TMEM132C: variants seen among roughly 807,000 people sequenced by gnomAD.
The protein encoded by TMEM132C is protein phosphatase 1, regulatory subunit 152.
Under a neutral mutation model 61.4 loss-of-function variants are expected in TMEM132C, and 29 were observed. The ratio of observed to expected loss-of-function variants is 0.47; its 90% confidence interval spans 0.35 to 0.64. The LOEUF is 0.64. Ranked by LOEUF, TMEM132C falls within the 30% of genes least tolerant of loss-of-function variation. The probability of loss-of-function intolerance (pLI) is 0.00; values close to 1 mark genes in which losing one functional copy is unlikely to be tolerated. For missense variants in TMEM132C, 1,408 were observed against 1,476.9 expected (o/e 0.95, Z 0.76); for synonymous variants, 656 against 633.1 (o/e 1.04, Z -0.54).
In TMEM132C at chr12:128,269,032, G is replaced by A. The variant is rs577785510; in HGVS notation, c.85+1545G>A. 2.7e-4 allele frequency among the ~76,000 whole-genome samples: 41 copies of A among 151,942 alleles called. No homozygotes were observed. The South Asian group carries it at 8.3e-3, about 31-fold the overall frequency. ...GCACTTTTCTATTTTATTTGAAAGA[G>A]TCAACAGTCACGATCTGGTGCCTGA... On this transcript the variant is annotated intron_variant, in intron 1 of 8. Coordinates refer to ENST00000435159, the MANE Select transcript of TMEM132C (RefSeq NM_001136103.3).
At chr12:128,644,730 A>C (rs1954182914) in intron 4 of TMEM132C, among the ~76,000 whole-genome samples, 1 of 152,188 alleles carries the variant, frequency 6.6e-6, no homozygotes, top group Non-Finnish European at 1.5e-5. Flanking sequence ...TAAATTGTTA[A>C]GTTTTATGGC....
At chr12:128,331,942 C>A (rs1872674648) in intron 1 of TMEM132C, among the ~76,000 whole-genome samples, 1 of 152,316 alleles carries the variant, frequency 6.6e-6, no homozygotes, top group East Asian at 1.9e-4. Flanking sequence ...TGAAACTAGG[C>A]ATACAGAGTA....
chr12:128,479,779 T>G (rs1177363458), intron 2 of TMEM132C, among the ~76,000 whole-genome samples: 1 of 152,188 alleles, frequency 6.6e-6, no homozygotes, highest in Non-Finnish European at 1.5e-5. Context: ...CGTCTTAACT[T>G]CCCTGAGCTC....
At chr12:128,325,413 C>T (rs1593011630) in intron 1 of TMEM132C, among the ~76,000 whole-genome samples, 1 of 152,222 alleles carries the variant, frequency 6.6e-6, no homozygotes, top group East Asian at 1.9e-4. Context: ...TCGCCGTTTG[C>T]TGTGATCCTT....
At chr12:128,488,812 T>C (rs899282186) in intron 2 of TMEM132C, among the ~76,000 whole-genome samples, 2 of 152,132 alleles carry the variant, frequency 1.3e-5, no homozygotes, top group African/African-American at 4.8e-5. Flanking sequence ...AAAGGGCTCT[T>C]AATAATTACT....
chr12:128,415,654 G>T lies in TMEM132C; in HGVS notation c.974+34G>T. 6.7e-7 allele frequency: 1 copy of T among 1,483,522 alleles called. No homozygotes were observed. The allele number at this position is 1,483,522 out of a possible 1,614,324, so 91.9% of individuals were successfully genotyped here. ...CCATGCTTGCCCCTGATCATCTTTG[G>T]CATGCCTGGTGTGAGACTGGGTTCC... On this transcript the variant is annotated intron_variant, in intron 2 of 8. Transcript: ENST00000435159. The surrounding 1 kb of genome is among the most constrained non-coding windows in gnomAD (Gnocchi z 5.8).
chr12:128,704,191 A>C (rs966345656), intron 8 of TMEM132C, among the ~76,000 whole-genome samples: 1 of 152,226 alleles, frequency 6.6e-6, no homozygotes, highest in Non-Finnish European at 1.5e-5. Context: ...ATTTGCAGCA[A>C]CATGGATGAT....
At chr12:128,489,252 C>A (rs1355194238) in intron 2 of TMEM132C, among the ~76,000 whole-genome samples, 1 of 152,058 alleles carries the variant, frequency 6.6e-6, no homozygotes, top group Non-Finnish European at 1.5e-5. Context: ...AGGATGCCAA[C>A]TACTAAGCGG....
At chr12:128,340,980 T>C (rs2044467265) in intron 1 of TMEM132C, among the ~76,000 whole-genome samples, 2 of 151,116 alleles carry the variant, frequency 1.3e-5, no homozygotes, top group Admixed American at 1.3e-4. Context: ...TGACAGAGTC[T>C]CACTCTGTCA....
chr12:128,286,222 A>G (rs1871066720), intron 1 of TMEM132C, among the ~76,000 whole-genome samples: 1 of 149,638 alleles, frequency 6.7e-6, no homozygotes, highest in African/African-American at 2.4e-5. Flanking sequence ...CCTGGACTTC[A>G]GTTCTCAGGA....
intron 4 of TMEM132C, among the ~76,000 whole-genome samples, chr12:128,650,637 G>A (rs951672784): frequency 6.6e-6 from 1 of 152,062 alleles, no homozygotes; most frequent in Non-Finnish European, 1.5e-5. Context: ...GCTGAAATGG[G>A]AAGATTGTTT....
intron 1 of TMEM132C, among the ~76,000 whole-genome samples, chr12:128,353,177 A>G (rs1436251650): frequency 6.6e-6 from 1 of 152,234 alleles, no homozygotes; most frequent in Non-Finnish European, 1.5e-5. Flanking sequence ...AATAATTCAA[A>G]CACTGCTAAT....
chr12:128,528,455 A>G (rs981410565), intron 2 of TMEM132C, among the ~76,000 whole-genome samples: 1 of 152,220 alleles, frequency 6.6e-6, no homozygotes, highest in African/African-American at 2.4e-5. Context: ...ATGCGTGGAC[A>G]GTGTTTTTGG....
At chr12:128,535,651 G>A (rs531780871) in intron 2 of TMEM132C, among the ~76,000 whole-genome samples, 93 of 152,236 alleles carry the variant, frequency 6.1e-4, no homozygotes, top group Non-Finnish European at 1.1e-3. Context: ...GGCAGACCAC[G>A]AAGTCAGGAG....
chr12:128,408,376 TC>T (rs1230153662), intron 1 of TMEM132C, among the ~76,000 whole-genome samples: 1 of 152,196 alleles, frequency 6.6e-6, no homozygotes, highest in Non-Finnish European at 1.5e-5. Flanking sequence ...GACAAATACT[TC>T]CTGTTGGTGA....
chr12:128,627,863 G>T (rs768244774), intron 4 of TMEM132C, among the ~76,000 whole-genome samples: 2 of 152,156 alleles, frequency 1.3e-5, no homozygotes, highest in African/African-American at 2.4e-5. Context: ...GCCAAAAATG[G>T]CTGTGAAACT....
chr12:128,291,030 C>A (rs886813374), intron 1 of TMEM132C, among the ~76,000 whole-genome samples: 1 of 152,112 alleles, frequency 6.6e-6, no homozygotes, highest in Non-Finnish European at 1.5e-5. Context: ...TGAACTGGAG[C>A]GTGCTGTAGG....
Position 128,692,752 on chromosome 12 carries a change from T to C in TMEM132C, c.1450-1077T>C, listed in dbSNP as rs113004451. ...AGAACACAGGTATCATTCTGCTGTT[T>C]CCTTGCTACACTGGGAATGCCCTCT... On this transcript the variant is annotated intron_variant, in intron 5 of 8. Transcript: ENST00000435159. Among the ~76,000 whole-genome samples the C allele has an allele frequency of 4.6e-5, 7 of 152,338 alleles. 1 individual carries two copies. Among genetic ancestry groups the C allele is most frequent in the African/African-American group, 1.7e-4 (7 of 41,580 alleles).
chr12:128,609,917 C>T (rs1245554209), intron 3 of TMEM132C, among the ~76,000 whole-genome samples: 2 of 152,246 alleles, frequency 1.3e-5, no homozygotes, highest in Non-Finnish European at 2.9e-5. Flanking sequence ...TTTGCTCCCA[C>T]CTAGGCCCCA....
Sources: allele counts gnomAD v4.1 joint callset (sites outside exome capture counted in the v4.1 genomes callset), GRCh38; gene constraint gnomAD v4.1.1; non-coding constraint Gnocchi (gnomAD v3.1); transcripts MANE v1.5; gene names NCBI Gene and HGNC (gene_info 2026-07-23, HGNC 2026-07-21).